STK32B: variants seen among roughly 807,000 people sequenced by gnomAD.
STK32B encodes serine/threonine kinase 32B.
STK32B carries 43 observed loss-of-function variants against 52.6 expected under a neutral mutation model. The ratio of observed to expected loss-of-function variants is 0.82; its 90% confidence interval spans 0.64 to 1.05. The LOEUF (loss-of-function observed/expected upper bound fraction) is 1.05. Among genes scored for constraint, STK32B ranks in the 50% least tolerant of loss-of-function variants. The probability of loss-of-function intolerance (pLI) is 0.00; values close to 1 mark genes in which losing one functional copy is unlikely to be tolerated. For synonymous variants in STK32B, 238 were observed against 204.3 expected, an observed-to-expected ratio of 1.17 and a Z score of -1.41; for missense variants, 621 against 534.6, an observed-to-expected ratio of 1.16 and a Z score of -1.59.
At chr4:5,217,799 C>G (rs1560233400) in intron 3 of STK32B, among the ~76,000 whole-genome samples, 1 of 152,134 alleles carries the variant, frequency 6.6e-6, no homozygotes, top group African/African-American at 2.4e-5. Context: ...CAGGAAGAGA[C>G]AGTGGAAGGA....
intron 4 of STK32B, among the ~76,000 whole-genome samples, chr4:5,352,029 C>G (rs1189148880): frequency 6.6e-6 from 1 of 151,898 alleles, no homozygotes; most frequent in African/African-American, 2.4e-5. Context: ...TTCCAAAGAG[C>G]TAACAAAGTT....
intron 6 of STK32B, among the ~76,000 whole-genome samples, chr4:5,436,434 C>T (rs983226109): frequency 2.0e-5 from 3 of 152,160 alleles, no homozygotes; most frequent in Non-Finnish European, 4.4e-5. Context: ...TTGCAAGGAA[C>T]ACAGTTTATG....
At chr4:5,124,815 G>A (rs371772814) in intron 1 of STK32B, among the ~76,000 whole-genome samples, 18 of 152,266 alleles carry the variant, frequency 1.2e-4, no homozygotes, top group Middle Eastern at 3.4e-3. Flanking sequence ...CAAAGAATTC[G>A]TCACCTACTG....
At chr4:5,029,252 G>T in the STK32B span, among the ~76,000 whole-genome samples, 1 of 152,302 alleles carries the variant, frequency 6.6e-6, no homozygotes, top group Middle Eastern at 3.4e-3. Flanking sequence ...CTGTGGTTAG[G>T]TTAGTTACAT....
chr4:5,258,132 G>A (rs1163838477), intron 3 of STK32B, among the ~76,000 whole-genome samples: 5 of 152,198 alleles, frequency 3.3e-5, no homozygotes, highest in East Asian at 3.9e-4. Flanking sequence ...AGCACCTAGC[G>A]GATAGTCAGG....
chr4:5,197,698 C>T (rs1721797215), intron 3 of STK32B, among the ~76,000 whole-genome samples: 1 of 152,124 alleles, frequency 6.6e-6, no homozygotes, highest in South Asian at 2.1e-4. Flanking sequence ...AACTAGTTCC[C>T]TTGTTTGGTA....
intron 4 of STK32B, among the ~76,000 whole-genome samples, chr4:5,353,528 A>G (rs1312553933): frequency 6.7e-6 from 1 of 149,576 alleles, no homozygotes; most frequent in Non-Finnish European, 1.5e-5. Context: ...TCCAGAGTAT[A>G]CAAGGAACTC....
In STK32B at chr4:5,499,877, C is replaced by G. The variant is rs1348942543; in HGVS notation, c.*794C>G. The G allele has an allele frequency of 6.6e-6, 1 of 152,306 alleles. No individual in the cohort carries two copies. Among genetic ancestry groups the G allele is most frequent in the Admixed American group, 6.5e-5 (1 of 15,284 alleles). The allele number at this position is 152,306 out of a possible 1,614,324, so 9.4% of individuals were successfully genotyped here. On this transcript the variant is annotated 3_prime_UTR_variant, in exon 12 of 12. Coordinates refer to ENST00000282908, the MANE Select transcript of STK32B (RefSeq NM_018401.3). ...CTGCAGAGTGTAATCAGCACCCCAT[C>G]CAACTGGCCCGAAAGCCCAGACCTG...
At chr4:5,287,377 CTTTATATA>C (rs145562397) in intron 3 of STK32B, among the ~76,000 whole-genome samples, 12,183 of 152,090 alleles carry the variant, frequency 0.08, 517 homozygotes, top group South Asian at 0.1. Context: ...CTGAACACCT[CTTTATATA>C]TTTATATATT....
intron 3 of STK32B, among the ~76,000 whole-genome samples, chr4:5,236,444 G>A (rs192726984): frequency 8.5e-5 from 13 of 152,182 alleles, no homozygotes; most frequent in Admixed American, 7.2e-4. Flanking sequence ...ATGCCCAAAC[G>A]GGAACAAGAA....
At chr4:5,056,348 T>C (rs566335366) in intron 1 of STK32B, among the ~76,000 whole-genome samples, 1 of 152,374 alleles carries the variant, frequency 6.6e-6, no homozygotes, top group East Asian at 1.9e-4. Context: ...CCTAAGGAAT[T>C]GCAAGCTCCT....
intron 3 of STK32B, among the ~76,000 whole-genome samples, chr4:5,266,693 T>C (rs1385944769): frequency 6.6e-6 from 1 of 152,236 alleles, no homozygotes; most frequent in South Asian, 2.1e-4. Context: ...AAAGGAGCAC[T>C]GAGTATGGGA....
chr4:5,366,124 G>T (rs1006006479), intron 4 of STK32B, among the ~76,000 whole-genome samples: 2 of 152,108 alleles, frequency 1.3e-5, no homozygotes, highest in African/African-American at 4.8e-5. Context: ...GGTGAGCCAA[G>T]GGCCCTTGAT....
At chr4:5,148,123 G>T (rs190762643) in intron 2 of STK32B, among the ~76,000 whole-genome samples, 1 of 151,704 alleles carries the variant, frequency 6.6e-6, no homozygotes, top group Non-Finnish European at 1.5e-5. Context: ...ATAACTTTTG[G>T]TAAGTTATAT....
intron 1 of STK32B, among the ~76,000 whole-genome samples, chr4:5,136,377 C>T (rs1716079109): frequency 1.1e-4 from 1 of 9,474 alleles, no homozygotes; most frequent in Non-Finnish European, 5.4e-3. Context: ...AGCGGTGTAA[C>T]CCTTTGCAGC....
At chr4:5,397,829 C>T (rs1737017726) in intron 4 of STK32B, among the ~76,000 whole-genome samples, 2 of 152,274 alleles carry the variant, frequency 1.3e-5, no homozygotes. Flanking sequence ...GATGCCATGA[C>T]ACCTGCAGGG....
chr4:5,331,333 T>G lies in STK32B; in HGVS notation c.374T>G (p.Leu125Arg), dbSNP rs149040164. 1 of 1,613,776 alleles carries G rather than the reference T, an allele frequency of 6.2e-7. No individual in the cohort carries two copies. The highest frequency in any genetic ancestry group is 1.3e-5 in the African/African-American group (1 of 74,906). Residue 125 changes from leucine (L) to arginine (R), a missense_variant, in exon 4 of 12, where the codon CTC becomes CGC. Leu to Arg is a moderately radical substitution (Grantham distance 102, BLOSUM62 -2). Coordinates refer to ENST00000282908, the MANE Select transcript of STK32B (RefSeq NM_018401.3). ...NVHFTEGTVK[L>R]YICELALALE... ...CATTTCACAGAGGGGACTGTGAAAC[T>G]CTACATCTGTGAGCTGGCACTGGCC...
At chr4:5,267,764 A>G (rs188797736) in intron 3 of STK32B, among the ~76,000 whole-genome samples, 1 of 152,206 alleles carries the variant, frequency 6.6e-6, no homozygotes, top group East Asian at 1.9e-4. Context: ...GGTCCCATTT[A>G]TTATTGTAAA....
At chr4:5,240,465 T>C (rs1724945396) in intron 3 of STK32B, among the ~76,000 whole-genome samples, 1 of 152,140 alleles carries the variant, frequency 6.6e-6, no homozygotes, top group Non-Finnish European at 1.5e-5. Context: ...TTTTGTTTTG[T>C]TTTGTTTTGT....
Sources: gnomAD v4.1 joint callset for allele counts (sites outside exome capture counted in the v4.1 genomes callset) on GRCh38, gnomAD v4.1.1 for gene constraint, MANE v1.5 for transcripts, NCBI Gene and HGNC (gene_info 2026-07-23, HGNC 2026-07-21) for gene names.